Variants in ARHGEF10 observed in about 807,000 individuals in gnomAD.
The protein encoded by ARHGEF10 is Rho guanine nucleotide exchange factor 10.
ARHGEF10 carries 140 observed loss-of-function variants against 147.4 expected under a neutral mutation model. The observed-to-expected ratio is 0.95, with a 90% CI of 0.83 to 1.09. The LOEUF (loss-of-function observed/expected upper bound fraction) is 1.09. Among genes scored for constraint, ARHGEF10 ranks in the 50% least tolerant of loss-of-function variants. The pLI, the probability that ARHGEF10 is intolerant of heterozygous loss-of-function variation, is 0.00. For missense variants in ARHGEF10, 2,222 were observed against 1,752.7 expected, an observed-to-expected ratio of 1.27 and a Z score of -4.78; for synonymous variants, 902 against 695.8, an observed-to-expected ratio of 1.30 and a Z score of -4.67.
intron 8 of ARHGEF10, among the ~76,000 whole-genome samples, chr8:1,878,909 A>G (rs1014380672): frequency 2.6e-5 from 4 of 152,148 alleles, no homozygotes; most frequent in Non-Finnish European, 4.4e-5. Flanking sequence ...CTGCATTTCC[A>G]GCCTCTCCTA....
At chr8:1,906,632 A>G (rs1810916545) in intron 17 of ARHGEF10, among the ~76,000 whole-genome samples, 1 of 151,960 alleles carries the variant, frequency 6.6e-6, no homozygotes, top group South Asian at 2.1e-4. Context: ...CAGGAGTCGG[A>G]CTCCTTAGTG....
intron 1 of ARHGEF10, among the ~76,000 whole-genome samples, chr8:1,827,115 G>A (rs929472591): frequency 1.3e-5 from 2 of 152,178 alleles, no homozygotes; most frequent in Non-Finnish European, 2.9e-5. Flanking sequence ...GAGGGGCAGG[G>A]TTACCTGTAA....
At chr8:1,910,734 T>G (rs1811294528) in intron 18 of ARHGEF10, among the ~76,000 whole-genome samples, 1 of 152,222 alleles carries the variant, frequency 6.6e-6, no homozygotes, top group South Asian at 2.1e-4. Flanking sequence ...TTAAATTATT[T>G]GGAAACATTG....
chr8:1,884,296 T>G (rs1045745196), intron 10 of ARHGEF10, among the ~76,000 whole-genome samples: 1 of 151,102 alleles, frequency 6.6e-6, no homozygotes, highest in Non-Finnish European at 1.5e-5. Context: ...CTCAGGAGGC[T>G]GAGGCAGGAG....
Position 1,864,528 on chromosome 8 carries a change from A to C in ARHGEF10, c.545+92A>C, listed in dbSNP as rs896614986. On this transcript the variant is annotated intron_variant, in intron 5 of 28. Coordinates refer to ENST00000349830, the MANE Select transcript of ARHGEF10 (RefSeq NM_014629.4). ...ATCCTGGTGTGTGTCCCTGCCCGCC[A>C]TCCTCAGCTCTGCGCGGCGGGAGCT... 14 of 1,347,216 alleles carry C rather than the reference A, an allele frequency of 1.0e-5. No homozygotes were observed. The African/African-American group carries it at 2.0e-4, about 19-fold the overall frequency. The allele number at this position is 1,347,216 out of a possible 1,614,324, so 83.5% of individuals were successfully genotyped here. A position where few individuals can be genotyped will look rare whatever the true frequency, so the allele number is the denominator to read the frequency against.
intron 27 of ARHGEF10, 155 bp downstream of exon 27, chr8:1,945,810 A>C (rs1478917830): frequency 8.8e-7 from 1 of 1,142,172 alleles, no homozygotes; most frequent in African/African-American, 1.5e-5. Context: ...CCAGGGACAG[A>C]CGTGGGAGTA....
chr8:1,957,416 G>T lies in ARHGEF10; in HGVS notation c.*153G>T, dbSNP rs80095469. On this transcript the variant is annotated 3_prime_UTR_variant, in exon 29 of 29. Coordinates refer to ENST00000349830, the MANE Select transcript of ARHGEF10 (RefSeq NM_014629.4). ...AAACGTGCAATAGCGTAATGGTGGT[G>T]TCCCTGCCAATTCCTTCCTTCTCTT... 9.2e-7 allele frequency: 1 copy of T among 1,090,710 alleles called. No individual in the cohort carries two copies. Among genetic ancestry groups the T allele is most frequent in the Non-Finnish European group, 1.3e-6 (1 of 764,904 alleles). 67.6% of individuals were successfully genotyped at this position (1,090,710 alleles called of 1,614,324 possible). A position where few individuals can be genotyped will look rare whatever the true frequency, so the allele number is the denominator to read the frequency against.
intron 28 of ARHGEF10, among the ~76,000 whole-genome samples, chr8:1,955,125 GGT>G (rs1418843294): frequency 2.2e-4 from 27 of 123,658 alleles, no homozygotes; most frequent in Non-Finnish European, 2.6e-4. Flanking sequence ...CCTGAAAGGA[GGT>G]GCACTCTCAC....
In ARHGEF10 at chr8:1,909,292, C is replaced by A; in HGVS notation, c.1968-3C>A. 1 of 1,614,212 alleles carries A rather than the reference C, an allele frequency of 6.2e-7. No homozygotes were observed. On this transcript the variant is annotated splice_region_variant and splice_polypyrimidine_tract_variant and intron_variant, in intron 17 of 28. Coordinates refer to ENST00000349830, the MANE Select transcript of ARHGEF10 (RefSeq NM_014629.4). ...TAAAACAAGGATCTTTTGGTCGTTT[C>A]AGCCCCTCTCATGACAGCCGTGTGA...
At chr8:1,928,692 G>A in intron 24 of ARHGEF10, 42 bp downstream of exon 24, 1 of 1,604,194 alleles carries the variant, frequency 6.2e-7, no homozygotes, top group Non-Finnish European at 8.5e-7. Context: ...AGCAAGCTCT[G>A]CCCATGGAGG....
At chr8:1,953,044 T>C (rs773326223) in intron 28 of ARHGEF10, among the ~76,000 whole-genome samples, 2 of 152,290 alleles carry the variant, frequency 1.3e-5, no homozygotes, top group South Asian at 4.1e-4. Context: ...GAGAATCTTA[T>C]GTTTTTATAT....
At position 1,909,448 on chromosome 8, in the gene ARHGEF10, C is replaced by G. The variant is rs375245126; in HGVS notation, c.2121C>G (p.Ala707=). 7 of 1,613,982 alleles carry G rather than the reference C, an allele frequency of 4.3e-6. No homozygotes were observed. The highest frequency in any genetic ancestry group is 5.1e-6 in the Non-Finnish European group (6 of 1,180,054). The change falls in exon 18 of 29, where the codon GCC becomes GCG. Residue 707 remains alanine (A), a synonymous_variant. Transcript: ENST00000349830. ...HLAVHPPESL[A]VVANAKPNKV... ...CCGTTCACCCGCCGGAGAGCCTGGC[C>G]GTGGTTGCTAACGCGAAACCAAGTA...
chr8:1,829,339 C>T (rs1266116218), intron 1 of ARHGEF10, among the ~76,000 whole-genome samples: 2 of 152,362 alleles, frequency 1.3e-5, no homozygotes, highest in South Asian at 2.1e-4. Flanking sequence ...GCGGGGTCAG[C>T]GGCATGGAAC....
Position 1,898,428 on chromosome 8 carries a change from C to T in ARHGEF10, c.1558-5C>T, listed in dbSNP as rs764123838. 4.3e-6 allele frequency: 7 copies of T among 1,614,012 alleles called. No homozygotes were observed. Among genetic ancestry groups the T allele is most frequent in the East Asian group, 2.2e-5 (1 of 44,862 alleles). On this transcript the variant is annotated splice_region_variant and splice_polypyrimidine_tract_variant and intron_variant, in intron 14 of 28. Coordinates refer to ENST00000349830, the MANE Select transcript of ARHGEF10 (RefSeq NM_014629.4). The stretch of plus-strand genomic sequence containing the variant: ...GGGAGGTGACCCCGGTGCCTTCCCC[C>T]ACAGCAGGAACAGGAGGCCAGCCCC...
chr8:1,947,417 A>G, intron 27 of ARHGEF10, among the ~76,000 whole-genome samples: 1 of 152,308 alleles, frequency 6.6e-6, no homozygotes, highest in African/African-American at 2.4e-5. Flanking sequence ...CTTGGTGTTT[A>G]TCCCTCTCCG....
intron 28 of ARHGEF10, among the ~76,000 whole-genome samples, chr8:1,955,592 G>A (rs994051935): frequency 6.6e-6 from 1 of 151,524 alleles, no homozygotes; most frequent in African/African-American, 2.4e-5. Context: ...CTGAAAGGAG[G>A]TGCACTCTCA....
At chr8:1,897,884 C>T (rs1424098871) in intron 14 of ARHGEF10, among the ~76,000 whole-genome samples, 3 of 152,134 alleles carry the variant, frequency 2.0e-5, no homozygotes, top group African/African-American at 4.8e-5. Context: ...CCCAAAGAGT[C>T]GGGTGCCCTG....
At position 1,948,875 on chromosome 8, in the gene ARHGEF10, GC is replaced by G. The variant is rs1488011883; in HGVS notation, c.3397+3222del. On this transcript the variant is annotated intron_variant, in intron 27 of 28. Transcript: ENST00000349830. This position sits in a 1 kb window ranked among gnomAD's most constrained non-coding sequence, Gnocchi z 4.9. Reference sequence around the variant, plus strand: ...AGTGCGCGGATGCTGAGGTCGCCGGGCCGTCACTGCTCCTGGGTTCTTCTCC... The same window carrying G: ...AGTGCGCGGATGCTGAGGTCGCCGGGCGTCACTGCTCCTGGGTTCTTCTCC... Among the ~76,000 whole-genome samples, 1 of 152,156 alleles carries G rather than the reference GC, an allele frequency of 6.6e-6. No individual in the cohort carries two copies. Among genetic ancestry groups the G allele is most frequent in the Non-Finnish European group, 1.5e-5 (1 of 68,036 alleles).
chr8:1,829,063 C>T (rs1281067348), intron 1 of ARHGEF10, among the ~76,000 whole-genome samples: 3 of 152,244 alleles, frequency 2.0e-5, no homozygotes, highest in Non-Finnish European at 4.4e-5. Context: ...AGGAAGCAGG[C>T]GGCAGGGCCT....
Sources: allele counts gnomAD v4.1 joint callset (sites outside exome capture counted in the v4.1 genomes callset), GRCh38; gene constraint gnomAD v4.1.1; non-coding constraint Gnocchi (gnomAD v3.1); transcripts MANE v1.5; gene names NCBI Gene and HGNC (gene_info 2026-07-23, HGNC 2026-07-21).